The following PAQR5 variants were observed in gnomAD, a reference collection of about 807,000 sequenced individuals.
PAQR5 encodes the protein membrane progestin receptor gamma.
In PAQR5, 20 loss-of-function variants were observed where a neutral mutation model predicts 34.5. The observed-to-expected ratio is 0.58, with a 90% CI of 0.41 to 0.84. The LOEUF (loss-of-function observed/expected upper bound fraction) is 0.84, where lower values mean the gene tolerates loss of function less well. Among genes scored for constraint, PAQR5 ranks in the 40% least tolerant of loss-of-function variants. The pLI is 0.00. For missense variants in PAQR5, 378 were observed against 412.7 expected (o/e 0.92, Z 0.73); for synonymous variants, 131 against 155.6 (o/e 0.84, Z 1.18).
At chr15:69,390,341 T>TTTAG (rs2056224886) in intron 6 of PAQR5, among the ~76,000 whole-genome samples, 1 of 112,914 alleles carries the variant, frequency 8.9e-6, no homozygotes, top group Non-Finnish European at 2.0e-5. Context: ...TATTTATTTA[T>TTTAG]TTATTTATTT....
intron 3 of PAQR5, among the ~76,000 whole-genome samples, chr15:69,364,642 G>GT (rs1269895632): frequency 1.1e-4 from 3 of 27,730 alleles, no homozygotes; most frequent in African/African-American, 1.8e-4. Flanking sequence ...TAATATGGTT[G>GT]CTGTGTGTGT....
chr15:69,404,607 T>C lies in PAQR5; in HGVS notation c.*785T>C. The C allele has an allele frequency of 4.6e-6, 1 of 218,320 alleles. No homozygotes were observed. Among genetic ancestry groups the C allele is most frequent in the Non-Finnish European group, 8.9e-6 (1 of 111,836 alleles). The allele number at this position is 218,320 out of a possible 1,614,324, so 13.5% of individuals were successfully genotyped here. ...GTTAAACCATAAGAGTTGACTGAGT[T>C]AATCCCAATTGGTTGTGCTCATATG... is the stretch of plus-strand genomic sequence containing the variant. On this transcript the variant is annotated 3_prime_UTR_variant, in exon 9 of 9. Coordinates refer to ENST00000395407, the MANE Select transcript of PAQR5 (RefSeq NM_017705.4).
chr15:69,299,209 C>T (rs887165823), intron 1 of PAQR5, among the ~76,000 whole-genome samples, 153 bp downstream of exon 1: 1 of 152,140 alleles, frequency 6.6e-6, no homozygotes, highest in African/African-American at 2.4e-5. Context: ...AAGTTTGTGC[C>T]GGGGCGGCCC....
chr15:69,322,428 C>A (rs1422384528), intron 1 of PAQR5, among the ~76,000 whole-genome samples: 1 of 148,996 alleles, frequency 6.7e-6, no homozygotes, highest in African/African-American at 2.5e-5. Flanking sequence ...GAGATCGCAC[C>A]ACTGCACTCC....
intron 6 of PAQR5, chr15:69,397,065 A>T (rs2056457486): frequency 2.4e-6 from 1 of 411,140 alleles, no homozygotes; most frequent in South Asian, 1.8e-5. Context: ...GCCTCTGCAG[A>T]GTGTGCCCCC....
At chr15:69,380,040 C>T (rs1567030935) in intron 4 of PAQR5, 30 bp downstream of exon 4, 2 of 1,611,862 alleles carry the variant, frequency 1.2e-6, no homozygotes, top group Admixed American at 3.3e-5. Flanking sequence ...ACCGGCCTGT[C>T]TCCTTCAGGA....
At chr15:69,323,356 C>A (rs959696035) in intron 1 of PAQR5, among the ~76,000 whole-genome samples, 1 of 152,240 alleles carries the variant, frequency 6.6e-6, no homozygotes, top group Non-Finnish European at 1.5e-5. Flanking sequence ...GGGAGGGATC[C>A]CCCTCTTTAT....
At chr15:69,367,686 A>G (rs894067822) in intron 3 of PAQR5, among the ~76,000 whole-genome samples, 1 of 152,252 alleles carries the variant, frequency 6.6e-6, no homozygotes. Flanking sequence ...AAGAAGAGAA[A>G]GTTAGTTTCC....
intron 1 of PAQR5, among the ~76,000 whole-genome samples, chr15:69,307,581 G>A (rs1052042719): frequency 1.3e-5 from 2 of 152,184 alleles, no homozygotes; most frequent in Non-Finnish European, 2.9e-5. Context: ...GAAGAGTATG[G>A]AAGGTCTTGC....
chr15:69,397,010 T>A (rs2056455585), intron 6 of PAQR5: 3 of 361,742 alleles, frequency 8.3e-6, no homozygotes, highest in South Asian at 6.2e-5. Context: ...AACCCAGGTC[T>A]CCTGCATGAT....
At chr15:69,372,730 G>A (rs963161922) in intron 3 of PAQR5, among the ~76,000 whole-genome samples, 4 of 152,122 alleles carry the variant, frequency 2.6e-5, no homozygotes, top group South Asian at 2.1e-4. Flanking sequence ...GTGTGTAAGC[G>A]ATGTTTTATG....
At chr15:69,305,529 G>A (rs1177843405) in intron 1 of PAQR5, among the ~76,000 whole-genome samples, 1 of 152,110 alleles carries the variant, frequency 6.6e-6, no homozygotes, top group Non-Finnish European at 1.5e-5. Context: ...GAGGCTCGGA[G>A]TGAGGGGGAG....
At chr15:69,361,379 T>A (rs2055227721) in intron 3 of PAQR5, among the ~76,000 whole-genome samples, 1 of 152,220 alleles carries the variant, frequency 6.6e-6, no homozygotes, top group Non-Finnish European at 1.5e-5. Context: ...GAGAAATTCT[T>A]TTCTAAAGTG....
At chr15:69,324,266 G>A (rs1272982359) in intron 1 of PAQR5, among the ~76,000 whole-genome samples, 2 of 152,160 alleles carry the variant, frequency 1.3e-5, no homozygotes, top group African/African-American at 4.8e-5. Context: ...CCCAGGAGGT[G>A]GGTCAGAGCT....
At chr15:69,376,830 G>T (rs569169028) in intron 3 of PAQR5, among the ~76,000 whole-genome samples, 2 of 152,128 alleles carry the variant, frequency 1.3e-5, no homozygotes, top group East Asian at 3.9e-4. Flanking sequence ...TCTGTTCCCC[G>T]CTGGCTTTTG....
intron 1 of PAQR5, among the ~76,000 whole-genome samples, chr15:69,306,405 A>T (rs1595828323): frequency 7.3e-6 from 1 of 136,716 alleles, no homozygotes. Context: ...AAAATTTACC[A>T]TTTAACCTTT....
chr15:69,361,546 CT>C (rs1266918316), intron 3 of PAQR5, among the ~76,000 whole-genome samples: 3 of 152,154 alleles, frequency 2.0e-5, no homozygotes, highest in African/African-American at 7.2e-5. Context: ...CTCACAGTTC[CT>C]CATGGCTGTG....
intron 1 of PAQR5, among the ~76,000 whole-genome samples, chr15:69,311,626 G>A (rs940135891): frequency 9.2e-5 from 14 of 152,048 alleles, no homozygotes; most frequent in Admixed American, 2.6e-4. Context: ...CAGCCTCTAC[G>A]CCCCAGTGCC....
rs2056754747 is a variant in PAQR5, at chr15:69,406,763, T to C, written c.*2941T>C. On this transcript the variant is annotated 3_prime_UTR_variant, in exon 9 of 9. Coordinates refer to ENST00000395407, the MANE Select transcript of PAQR5 (RefSeq NM_017705.4). ...TGCACACCTGTGGTCCCAGCTACTG[T>C]GGAGGGTGATGTGGGAGGATTGCTT... is the stretch of plus-strand genomic sequence containing the variant. 1 of 151,668 alleles carries C rather than the reference T, an allele frequency of 6.6e-6. No homozygotes were observed. Among genetic ancestry groups the C allele is most frequent in the Admixed American group, 6.6e-5 (1 of 15,178 alleles). 9.4% of individuals were successfully genotyped at this position (151,668 alleles called of 1,614,324 possible).
Sources: allele counts gnomAD v4.1 joint callset (sites outside exome capture counted in the v4.1 genomes callset), GRCh38; gene constraint gnomAD v4.1.1; transcripts MANE v1.5; gene names NCBI Gene and HGNC (gene_info 2026-07-23, HGNC 2026-07-21).